HSPB6: variants seen among roughly 807,000 people sequenced by gnomAD.
HSPB6 encodes heat shock protein family B (small) member 6, also known as heat shock protein beta-6.
A neutral mutation model predicts 10.7 loss-of-function variants in HSPB6; 8 were observed. That is an observed-to-expected ratio of 0.75 (90% CI 0.44 to 1.35). The LOEUF (loss-of-function observed/expected upper bound fraction) is 1.35. HSPB6 is among the 40% of genes most tolerant of loss of function. The pLI, the probability that HSPB6 is intolerant of heterozygous loss-of-function variation, is 0.00. For synonymous variants in HSPB6, 128 were observed against 114.2 expected (o/e 1.12, Z -0.77); for missense variants, 232 against 236.0 (o/e 0.98, Z 0.11).
intron 2 of HSPB6, 32 bp downstream of exon 2, chr19:35,755,740 C>A: frequency 1.3e-6 from 2 of 1,541,864 alleles, no homozygotes; most frequent in East Asian, 2.5e-5. Flanking sequence ...GCGAGCGTAC[C>A]CGCTCCAGCC....
Position 35,755,540 on chromosome 19 carries a change from C to T in HSPB6, c.465G>A (p.Pro155=). ...QAAPASAQAP[P]PAAAK ...CCCCCTCCTACTTGGCTGCGGCTGGCGGTGGGGCCTGGGCCGACGCTGGTG... is the reference window on the plus strand; with the variant it reads ...CCCCCTCCTACTTGGCTGCGGCTGGTGGTGGGGCCTGGGCCGACGCTGGTG... The change falls in exon 3 of 3, where the codon CCG becomes CCA. Residue 155 remains proline (P), a synonymous_variant. Transcript: ENST00000004982. The T allele has an allele frequency of 6.7e-7, 1 of 1,489,572 alleles. No individual in the cohort carries two copies. The highest frequency in any genetic ancestry group is 8.9e-7 in the Non-Finnish European group (1 of 1,123,006). 92.3% of individuals were successfully genotyped at this position (1,489,572 alleles called of 1,614,324 possible).
chr19:35,755,864 G>A lies in HSPB6; in HGVS notation c.229C>T (p.Leu77=). ...GGCGAGAAGTGCTTCACGTCTAGCA[G>A]CACCGAAAAGTGGCCGGGGTCCGTC... is the stretch of plus-strand genomic sequence containing the variant. ...VPTDPGHFSV[L]LDVKHFSPEE... The change falls in exon 2 of 3, where the codon CTG becomes TTG. Residue 77 remains leucine (L), a synonymous_variant. Coordinates refer to ENST00000004982, the MANE Select transcript of HSPB6 (RefSeq NM_144617.3). 6.3e-7 allele frequency: 1 copy of A among 1,583,056 alleles called. No individual in the cohort carries two copies. The highest frequency in any genetic ancestry group is 8.6e-7 in the Non-Finnish European group (1 of 1,165,908).
chr19:35,755,857 TCTAGCAG>T lies in HSPB6; in HGVS notation c.229_235del (p.Leu77ThrfsTer2). 3.1e-6 allele frequency: 5 copies of T among 1,587,470 alleles called. No individual in the cohort carries two copies. The highest frequency in any genetic ancestry group is 1.3e-5 in the African/African-American group (1 of 74,168). On this transcript the variant is annotated frameshift_variant, in exon 2 of 3. Transcript: ENST00000004982. LOFTEE classifies it high-confidence loss of function. ...TTCCTCCGGCGAGAAGTGCTTCACG[TCTAGCAG>T]CACCGAAAAGTGGCCGGGGTCCGTC... is the stretch of plus-strand genomic sequence containing the variant.
chr19:35,756,923 A>C lies in HSPB6; in HGVS notation c.86T>G (p.Phe29Cys). 6.5e-7 allele frequency: 1 copy of C among 1,541,986 alleles called. No homozygotes were observed. The highest frequency in any genetic ancestry group is 8.7e-7 in the Non-Finnish European group (1 of 1,146,436). The change falls in exon 1 of 3, where the codon TTT becomes TGT. Residue 29 changes from phenylalanine (F) to cysteine (C), a missense_variant. Physicochemically the swap from Phe to Cys is radical, Grantham distance 205. Transcript: ENST00000004982. ...CAGCCCCTCGCCGAAGCGCTGGTCA[A>C]AGAGGCGTCCGGGCGCCGAAAGTCC... is the stretch of plus-strand genomic sequence containing the variant. ...LPGLSAPGRL[F>C]DQRFGEGLLE...
At chr19:35,756,474 C>A (rs1317293509) in intron 1 of HSPB6, among the ~76,000 whole-genome samples, 2 of 152,188 alleles carry the variant, frequency 1.3e-5, no homozygotes, top group Non-Finnish European at 2.9e-5. Flanking sequence ...AACATTCCTT[C>A]CCCTCAGGAG....
chr19:35,755,474 A>T lies in HSPB6; in HGVS notation c.*48T>A. Reference sequence around the variant, plus strand: ...GGCGGAGTCAGATCGGCTTTAATAGAGGGAGCCTGAGGAGGCTCCCGGGGT... The same window carrying T: ...GGCGGAGTCAGATCGGCTTTAATAGTGGGAGCCTGAGGAGGCTCCCGGGGT... On this transcript the variant is annotated 3_prime_UTR_variant, in exon 3 of 3. Coordinates refer to ENST00000004982, the MANE Select transcript of HSPB6 (RefSeq NM_144617.3). 6.7e-7 allele frequency: 1 copy of T among 1,502,232 alleles called. No homozygotes were observed. Among genetic ancestry groups the T allele is most frequent in the South Asian group, 1.2e-5 (1 of 81,900 alleles). The allele number at this position is 1,502,232 out of a possible 1,614,324, so 93.1% of individuals were successfully genotyped here.
Position 35,755,667 on chromosome 19 carries a change from A to T in HSPB6, c.338T>A (p.Val113Asp), listed in dbSNP as rs760571209. 1.7e-5 allele frequency: 26 copies of T among 1,535,042 alleles called. No individual in the cohort carries two copies. Among genetic ancestry groups the T allele is most frequent in the Non-Finnish European group, 2.2e-5 (25 of 1,143,894 alleles). The change falls in exon 3 of 3, where the codon GTC (valine) becomes GAC (aspartate). Residue 113 changes from valine to aspartate, a missense_variant. Physicochemically the swap from Val to Asp is radical, Grantham distance 152. Transcript: ENST00000004982. ...GTAGCGACGGTGGAACTCGCGCGCG[A>T]CGAATCCGTGCTCATCCTGGAGGGG... is the stretch of plus-strand genomic sequence containing the variant. ...HEERPDEHGF[V>D]AREFHRRYRL... is the part of the protein sequence containing the mutation.
Position 35,755,874 on chromosome 19 carries a change from G to T in HSPB6, c.219C>A (p.His73Gln), listed in dbSNP as rs956164630. The T allele has an allele frequency of 6.3e-7, 1 of 1,576,292 alleles. No individual in the cohort carries two copies. The highest frequency in any genetic ancestry group is 8.6e-7 in the Non-Finnish European group (1 of 1,162,358). Reference protein sequence around the residue: ...PVAQVPTDPGHFSVLLDVKHF... With the variant: ...PVAQVPTDPGQFSVLLDVKHF... ...GCTTCACGTCTAGCAGCACCGAAAA[G>T]TGGCCGGGGTCCGTCGGCACCTGAG... The change falls in exon 2 of 3, where the codon CAC (histidine) becomes CAA (glutamine). Residue 73 changes from histidine to glutamine, a missense_variant. Coordinates refer to ENST00000004982, the MANE Select transcript of HSPB6 (RefSeq NM_144617.3).
Position 35,754,766 on chromosome 19 carries a change from G to T in HSPB6, c.*756C>A. The T allele has an allele frequency of 2.0e-6, 1 of 502,092 alleles. No homozygotes were observed. The allele number at this position is 502,092 out of a possible 1,614,324, so 31.1% of individuals were successfully genotyped here. On this transcript the variant is annotated 3_prime_UTR_variant, in exon 3 of 3. Transcript: ENST00000004982. Reference sequence around the variant, plus strand: ...AAGACAAAGGGACTTAGGGGGATGGGGTCTGGTTAGAGTTGGGGAGGGGGC... The same window carrying T: ...AAGACAAAGGGACTTAGGGGGATGGTGTCTGGTTAGAGTTGGGGAGGGGGC...
rs979166419 is a variant in HSPB6, at chr19:35,756,941, G to A, written c.68C>T (p.Ser23Leu). Reference protein sequence around the residue: ...RRASAPLPGLSAPGRLFDQRF... With the variant: ...RRASAPLPGLLAPGRLFDQRF... ...CTGGTCAAAGAGGCGTCCGGGCGCC[G>A]AAAGTCCGGGCAACGGGGCCGAGGC... Residue 23 changes from serine to leucine, a missense_variant, in exon 1 of 3, where the codon TCG becomes TTG. Transcript: ENST00000004982. 4.5e-6 allele frequency: 7 copies of A among 1,543,442 alleles called. No individual in the cohort carries two copies. In the African/African-American group the frequency reaches 9.6e-5, roughly 21 times the overall value.
At position 35,755,689 on chromosome 19, in the gene HSPB6, G is replaced by A. The variant is rs1447527913; in HGVS notation, c.322-6C>T. ...GCGACGAATCCGTGCTCATCCTGGA[G>A]GGGAGGGAGGCTTGAGCGGCCCCGC... is the stretch of plus-strand genomic sequence containing the variant. On this transcript the variant is annotated splice_region_variant and splice_polypyrimidine_tract_variant and intron_variant, in intron 2 of 2. Coordinates refer to ENST00000004982, the MANE Select transcript of HSPB6 (RefSeq NM_144617.3). 1.3e-6 allele frequency: 2 copies of A among 1,532,668 alleles called. No individual in the cohort carries two copies. The highest frequency in any genetic ancestry group is 8.8e-7 in the Non-Finnish European group (1 of 1,141,542). 94.9% of individuals were successfully genotyped at this position (1,532,668 alleles called of 1,614,324 possible). A position where few individuals can be genotyped will look rare whatever the true frequency, so the allele number is the denominator to read the frequency against.
At position 35,755,903 on chromosome 19, in the gene HSPB6, A is replaced by AGCGGGC. The variant is rs1359788767; in HGVS notation, c.199-15_199-10dup. 13 of 1,556,060 alleles carry AGCGGGC rather than the reference A, an allele frequency of 8.4e-6. No homozygotes were observed. In the African/African-American group the frequency reaches 1.2e-4, roughly 15 times the overall value. On this transcript the variant is annotated splice_polypyrimidine_tract_variant and intron_variant, in intron 1 of 2. Transcript: ENST00000004982. The stretch of plus-strand genomic sequence containing the variant: ...CCGGGGTCCGTCGGCACCTGAGCGC[A>AGCGGGC]GCGGGCGCGGGCGGGACTGTCATTG...
At chr19:35,756,764 C>CCACTG in intron 1 of HSPB6, 47 bp downstream of exon 1, 2 of 1,522,830 alleles carry the variant, frequency 1.3e-6, no homozygotes, top group Non-Finnish European at 1.8e-6. Flanking sequence ...TGCCCCAGAC[C>CCACTG]CCTGGCAATG....
At chr19:35,755,734 G>T (rs1330003556) in intron 2 of HSPB6, 38 bp downstream of exon 2, 2 of 1,536,222 alleles carry the variant, frequency 1.3e-6, no homozygotes, top group South Asian at 1.2e-5. Flanking sequence ...CCGGCGGCGA[G>T]CGTACCCGCT....
chr19:35,754,741 A>C lies in HSPB6; in HGVS notation c.*781T>G. ...ATATCTGGTTGAAGACTTGGGGGTC[A>C]AGACAAAGGGACTTAGGGGGATGGG... is the stretch of plus-strand genomic sequence containing the variant. On this transcript the variant is annotated 3_prime_UTR_variant, in exon 3 of 3. Transcript: ENST00000004982. 1.8e-6 allele frequency: 1 copy of C among 544,368 alleles called. No individual in the cohort carries two copies. The highest frequency in any genetic ancestry group is 3.1e-5 in the Admixed American group (1 of 32,314). The allele number at this position is 544,368 out of a possible 1,614,324, so 33.7% of individuals were successfully genotyped here.
Position 35,757,001 on chromosome 19 carries a change from A to G in HSPB6, c.8T>C (p.Ile3Thr). 1 of 1,546,106 alleles carries G rather than the reference A, an allele frequency of 6.5e-7. No homozygotes were observed. Among genetic ancestry groups the G allele is most frequent in the Non-Finnish European group, 8.7e-7 (1 of 1,146,768 alleles). Residue 3 changes from isoleucine to threonine, a missense_variant, in exon 1 of 3, where the codon ATC (isoleucine) becomes ACC (threonine). Transcript: ENST00000004982. MEIPVPVQPSWLR... is the reference protein window; with the variant it reads METPVPVQPSWLR... ...CCAAGACGGCTGCACAGGCACAGGG[A>G]TCTCCATCCTGCTCCTCCGCGTTGC...
Position 35,755,320 on chromosome 19 carries a change from A to AG in HSPB6, c.*201dup. 1 of 694,562 alleles carries AG rather than the reference A, an allele frequency of 1.4e-6. No individual in the cohort carries two copies. Among genetic ancestry groups the AG allele is most frequent in the East Asian group, 2.8e-5 (1 of 35,594 alleles). 43.0% of individuals were successfully genotyped at this position (694,562 alleles called of 1,614,324 possible). A position where few individuals can be genotyped will look rare whatever the true frequency, so the allele number is the denominator to read the frequency against. ...TGTCGGTGTGGGGTCGGAAAGCTGG[A>AG]GGGGGTGTGAGAGCGAGGGTGTCAG... On this transcript the variant is annotated 3_prime_UTR_variant, in exon 3 of 3. Transcript: ENST00000004982.
chr19:35,756,719 C>T, intron 1 of HSPB6, 92 bp downstream of exon 1: 1 of 1,357,592 alleles, frequency 7.4e-7, no homozygotes, highest in Non-Finnish European at 1.0e-6. Context: ...CGCCCAAGGC[C>T]AACGAACATT....
At position 35,755,731 on chromosome 19, in the gene HSPB6, C is replaced by G. The variant is rs1413772564; in HGVS notation, c.321+41G>C. The G allele has an allele frequency of 3.9e-6, 6 of 1,528,464 alleles. No homozygotes were observed. The African/African-American group carries it at 8.5e-5, about 22-fold the overall frequency. The allele number at this position is 1,528,464 out of a possible 1,614,324, so 94.7% of individuals were successfully genotyped here. ...CGGCCCCGCCCCTCCGGCCCGGCGG[C>G]GAGCGTACCCGCTCCAGCCCCGCCC... On this transcript the variant is annotated intron_variant, in intron 2 of 2. Coordinates refer to ENST00000004982, the MANE Select transcript of HSPB6 (RefSeq NM_144617.3).
Sources: allele counts gnomAD v4.1 joint callset (sites outside exome capture counted in the v4.1 genomes callset), GRCh38; gene constraint gnomAD v4.1.1; transcripts MANE v1.5; gene names NCBI Gene and HGNC (gene_info 2026-07-23, HGNC 2026-07-21).